KDM7A: variants seen among roughly 807,000 people sequenced by gnomAD.
KDM7A encodes the protein lysine demethylase 7A.
In KDM7A, 28 loss-of-function variants were observed where a neutral mutation model predicts 114.8. The ratio of observed to expected loss-of-function variants is 0.24; its 90% CI spans 0.18 to 0.33. KDM7A has a LOEUF of 0.33. Ranked by LOEUF, KDM7A falls within the 10% of genes least tolerant of loss-of-function variation. The pLI is 1.00. For missense variants in KDM7A, 942 were observed against 1,142.5 expected (o/e 0.82, Z 2.53); for synonymous variants, 423 against 397.8 (o/e 1.06, Z -0.75).
chr7:140,120,343 T>A (rs1035263270), intron 8 of KDM7A, 99 bp downstream of exon 8: 2 of 671,890 alleles, frequency 3.0e-6, no homozygotes, highest in Non-Finnish European at 2.6e-6. Context: ...TTCCATGGAA[T>A]CTCAAATAAA....
intron 1 of KDM7A, among the ~76,000 whole-genome samples, chr7:140,149,335 T>C (rs921186059): frequency 1.5e-4 from 23 of 152,226 alleles, no homozygotes; most frequent in Admixed American, 1.1e-3. Flanking sequence ...ACATAAATGC[T>C]TGTTATTTTG....
chr7:140,159,074 G>A (rs944222753), intron 1 of KDM7A, among the ~76,000 whole-genome samples: 3 of 152,216 alleles, frequency 2.0e-5, no homozygotes, highest in Admixed American at 6.5e-5. Context: ...GGCCGGGCTT[G>A]GTGACTCATA....
chr7:140,109,853 CACTA>C (rs1362693037), intron 11 of KDM7A, among the ~76,000 whole-genome samples: 2 of 152,208 alleles, frequency 1.3e-5, no homozygotes, highest in Admixed American at 6.5e-5. Context: ...CTTATTCAAT[CACTA>C]ACTGATTCCC....
At chr7:140,165,044 C>T (rs750824392) in intron 1 of KDM7A, among the ~76,000 whole-genome samples, 4 of 152,032 alleles carry the variant, frequency 2.6e-5, no homozygotes, top group African/African-American at 2.4e-5. Context: ...TCAAACTAAT[C>T]GATTTTGAAA....
At chr7:140,148,818 CTG>C (rs2116833020) in intron 1 of KDM7A, among the ~76,000 whole-genome samples, 1 of 152,232 alleles carries the variant, frequency 6.6e-6, no homozygotes, top group African/African-American at 2.4e-5. Flanking sequence ...TGACATAAAA[CTG>C]TTTTCACAAA....
In KDM7A at chr7:140,102,081, G is replaced by C; in HGVS notation, c.1508C>G (p.Ser503Cys). The C allele has an allele frequency of 6.2e-7, 1 of 1,613,892 alleles. No homozygotes were observed. Among genetic ancestry groups the C allele is most frequent in the Non-Finnish European group, 8.5e-7 (1 of 1,179,792 alleles). Residue 503 changes from serine (S) to cysteine (C), a missense_variant, in exon 12 of 20, where the codon TCC (serine) becomes TGC (cysteine). Ser to Cys is a moderately radical substitution (Grantham distance 112, BLOSUM62 -1). This residue lies in a region of KDM7A where 512 missense variants were observed against 576.6 expected (regional missense o/e 0.89). Transcript: ENST00000397560. ...PVSRSSNEATSPYHSRRKMRK... is the reference protein window; with the variant it reads ...PVSRSSNEATCPYHSRRKMRK... ...CATCTTTCTTCGGGAATGGTATGGGGAAGTTGCTTCATTTGAGGATCGTGA... is the reference window on the plus strand; with the variant it reads ...CATCTTTCTTCGGGAATGGTATGGGCAAGTTGCTTCATTTGAGGATCGTGA...
At chr7:140,159,040 T>C (rs927053351) in intron 1 of KDM7A, among the ~76,000 whole-genome samples, 4 of 152,174 alleles carry the variant, frequency 2.6e-5, no homozygotes, top group Non-Finnish European at 5.9e-5. Flanking sequence ...GTTTGTTTGT[T>C]TGTTTCTTTT....
At chr7:140,171,204 T>C (rs1253474708) in intron 1 of KDM7A, among the ~76,000 whole-genome samples, 5 of 151,668 alleles carry the variant, frequency 3.3e-5, no homozygotes, top group Non-Finnish European at 7.4e-5. Flanking sequence ...GGCTCATACC[T>C]ATTACAGGCA....
chr7:140,089,293 T>G lies in KDM7A; in HGVS notation c.*1801A>C, dbSNP rs979600723. On this transcript the variant is annotated 3_prime_UTR_variant, in exon 20 of 20. Coordinates refer to ENST00000397560, the MANE Select transcript of KDM7A (RefSeq NM_030647.2). ...GATTCAGACTTTGGTCCAGTCACTC[T>G]GAACCAGAAAGGCTACTTCATAAAC... is the stretch of plus-strand genomic sequence containing the variant. The G allele has an allele frequency of 2.0e-5, 3 of 152,252 alleles. No individual in the cohort carries two copies. The highest frequency in any genetic ancestry group is 4.4e-5 in the Non-Finnish European group (3 of 68,038). 9.4% of individuals were successfully genotyped at this position (152,252 alleles called of 1,614,324 possible).
intron 1 of KDM7A, among the ~76,000 whole-genome samples, chr7:140,169,819 C>G (rs1794618513): frequency 6.6e-6 from 1 of 152,198 alleles, no homozygotes; most frequent in African/African-American, 2.4e-5. Context: ...CTGTGTCCAA[C>G]CTAACTAATG....
At chr7:140,171,425 C>T (rs1376288402) in intron 1 of KDM7A, among the ~76,000 whole-genome samples, 2 of 150,248 alleles carry the variant, frequency 1.3e-5, no homozygotes, top group East Asian at 1.9e-4. Context: ...GCCGAGATTG[C>T]GCCACTGCAC....
intron 1 of KDM7A, among the ~76,000 whole-genome samples, chr7:140,163,141 C>T (rs746133327): frequency 9.9e-5 from 15 of 151,772 alleles, no homozygotes; most frequent in Non-Finnish European, 1.9e-4. Context: ...ACTACAGGTG[C>T]CCGCCATCAT....
chr7:140,171,558 T>TAAA lies in KDM7A; in HGVS notation c.194+5185_194+5186insTTT, dbSNP rs1562962720. On this transcript the variant is annotated intron_variant, in intron 1 of 19. Coordinates refer to ENST00000397560, the MANE Select transcript of KDM7A (RefSeq NM_030647.2). ...TTATATATTTATAAATATATATTTA[T>TAAA]TTTTATATATTTATATATATATATT... Among the ~76,000 whole-genome samples the TAAA allele has an allele frequency of 5.7e-4, 61 of 107,816 alleles. 1 individual carries two copies. Among genetic ancestry groups the TAAA allele is most frequent in the African/African-American group, 2.2e-3 (60 of 26,754 alleles). 70.7% of individuals were successfully genotyped at this position (107,816 alleles called of 152,430 possible). A position where few individuals can be genotyped will look rare whatever the true frequency, so the allele number is the denominator to read the frequency against.
At chr7:140,098,136 T>C (rs1426359045) in intron 14 of KDM7A, among the ~76,000 whole-genome samples, 2 of 152,244 alleles carry the variant, frequency 1.3e-5, no homozygotes, top group Non-Finnish European at 2.9e-5. Context: ...GATTAGCACC[T>C]GGTGTGTGCA....
chr7:140,100,438 T>C (rs1406454020), intron 12 of KDM7A, among the ~76,000 whole-genome samples: 1 of 151,874 alleles, frequency 6.6e-6, no homozygotes, highest in Non-Finnish European at 1.5e-5. Context: ...CAGCAACTTA[T>C]AGCTCACCAC....
At chr7:140,114,331 T>G (rs932025706) in intron 9 of KDM7A, among the ~76,000 whole-genome samples, 8 of 150,774 alleles carry the variant, frequency 5.3e-5, no homozygotes, top group Admixed American at 1.3e-4. Context: ...CCACGCCTGA[T>G]TGGTTTTCGT....
chr7:140,118,541 G>A (rs1181126636), intron 9 of KDM7A, among the ~76,000 whole-genome samples: 1 of 151,498 alleles, frequency 6.6e-6, no homozygotes, highest in African/African-American at 2.4e-5. Flanking sequence ...AAGTAGCTGG[G>A]ATTACAGGCA....
chr7:140,153,966 G>A (rs899457969), intron 1 of KDM7A, among the ~76,000 whole-genome samples: 2 of 152,172 alleles, frequency 1.3e-5, no homozygotes, highest in African/African-American at 2.4e-5. Flanking sequence ...TCTCCTGTCT[G>A]CGTGTAAACT....
In KDM7A at chr7:140,176,980, G is replaced by A. The variant is rs756709949; in HGVS notation, c.-43C>T. ...ACGCTCGCTCGCTACTCCGCTCGCCGACTGGAGCGAGCGCAGCCGCCAGCC... is the reference window on the plus strand; with the variant it reads ...ACGCTCGCTCGCTACTCCGCTCGCCAACTGGAGCGAGCGCAGCCGCCAGCC... On this transcript the variant is annotated 5_prime_UTR_variant, in exon 1 of 20. Transcript: ENST00000397560. This position sits in a 1 kb window ranked among gnomAD's most constrained non-coding sequence, Gnocchi z 4.4. The A allele has an allele frequency of 1.2e-5, 13 of 1,087,022 alleles. No homozygotes were observed. Among genetic ancestry groups the A allele is most frequent in the East Asian group, 5.6e-5 (1 of 17,870 alleles). 67.3% of individuals were successfully genotyped at this position (1,087,022 alleles called of 1,614,324 possible).
Sources: gnomAD v4.1 joint callset for allele counts (sites outside exome capture counted in the v4.1 genomes callset) on GRCh38, gnomAD v4.1.1 for gene constraint, gnomAD v4.1.1 regional missense constraint, Gnocchi (gnomAD v3.1) non-coding constraint, MANE v1.5 for transcripts, NCBI Gene and HGNC (gene_info 2026-07-23, HGNC 2026-07-21) for gene names.